The following GPATCH2 variants were observed in gnomAD, a reference collection of about 807,000 sequenced individuals.
GPATCH2 encodes G patch domain-containing protein 2.
In GPATCH2, 51 loss-of-function variants were observed where a neutral mutation model predicts 58.0. The ratio of observed to expected loss-of-function variants is 0.88; its 90% CI spans 0.70 to 1.11. The LOEUF is 1.11. Ranked by LOEUF, GPATCH2 falls within the 50% of genes most tolerant of loss-of-function variation. The pLI, the probability that GPATCH2 is intolerant of heterozygous loss-of-function variation, is 0.00. For missense variants in GPATCH2, 625 were observed against 652.2 expected, an observed-to-expected ratio of 0.96 and a Z score of 0.45; for synonymous variants, 222 against 218.5, an observed-to-expected ratio of 1.02 and a Z score of -0.14.
At chr1:217,615,912 T>C (rs1668862718) in intron 2 of GPATCH2, among the ~76,000 whole-genome samples, 1 of 152,110 alleles carries the variant, frequency 6.6e-6, no homozygotes, top group South Asian at 2.1e-4. Context: ...GAATTCAGAT[T>C]TACCCCTCTC....
At chr1:217,444,554 T>A (rs1659295359) in intron 9 of GPATCH2, among the ~76,000 whole-genome samples, 1 of 152,230 alleles carries the variant, frequency 6.6e-6, no homozygotes, top group East Asian at 1.9e-4. Context: ...ATCTAACACG[T>A]GTGCTTACTC....
chr1:217,609,193 G>C, intron 5 of GPATCH2: 1 of 983,252 alleles, frequency 1.0e-6, no homozygotes, highest in Non-Finnish European at 1.2e-6. Context: ...ACCATCAATA[G>C]AAACATTACA....
chr1:217,563,920 T>G (rs1368002529), intron 5 of GPATCH2, among the ~76,000 whole-genome samples: 1 of 151,804 alleles, frequency 6.6e-6, no homozygotes, highest in African/African-American at 2.4e-5. Context: ...GGCGCATGCC[T>G]GTAATCCCAA....
chr1:217,568,083 C>A (rs1180387774), intron 5 of GPATCH2, among the ~76,000 whole-genome samples: 1 of 152,174 alleles, frequency 6.6e-6, no homozygotes, highest in Non-Finnish European at 1.5e-5. Flanking sequence ...TGCCACTGCA[C>A]TCCAGCCTGG....
chr1:217,480,897 A>G (rs1295558664), intron 8 of GPATCH2, among the ~76,000 whole-genome samples: 2 of 152,186 alleles, frequency 1.3e-5, no homozygotes, highest in East Asian at 3.9e-4. Context: ...AAAGACAAAC[A>G]TCAAAACCAC....
chr1:217,487,061 A>T (rs1456006333), intron 8 of GPATCH2, among the ~76,000 whole-genome samples: 1 of 152,210 alleles, frequency 6.6e-6, no homozygotes, highest in African/African-American at 2.4e-5. Flanking sequence ...ATTGTATTTC[A>T]TATTTTATTC....
intron 9 of GPATCH2, among the ~76,000 whole-genome samples, chr1:217,438,915 T>C (rs1021270635): frequency 6.6e-6 from 1 of 152,114 alleles, no homozygotes; most frequent in African/African-American, 2.4e-5. Flanking sequence ...TTCCACACAA[T>C]AATAGTGGGA....
chr1:217,592,916 A>G (rs1387934989), intron 5 of GPATCH2, among the ~76,000 whole-genome samples: 1 of 151,962 alleles, frequency 6.6e-6, no homozygotes, highest in Non-Finnish European at 1.5e-5. Context: ...TACAACCCCA[A>G]GTATTTCAGC....
Position 217,431,296 on chromosome 1 carries a change from C to T in GPATCH2, c.1436G>A (p.Gly479Asp). Reference sequence around the variant, plus strand: ...TCCAAGGCCTGACCCAGGCGTCCAGCCCATATTCTGAAGCATTCGGTTTCC... The same window carrying T: ...TCCAAGGCCTGACCCAGGCGTCCAGTCCATATTCTGAAGCATTCGGTTTCC... Reference protein sequence around the residue: ...NIGNRMLQNMGWTPGSGLGRD... With the variant: ...NIGNRMLQNMDWTPGSGLGRD... The change falls in exon 10 of 10, where the codon GGC (glycine) becomes GAC (aspartate). Residue 479 changes from glycine (G) to aspartate (D), a missense_variant. Coordinates refer to ENST00000366935, the MANE Select transcript of GPATCH2 (RefSeq NM_018040.5). The T allele has an allele frequency of 6.2e-7, 1 of 1,608,332 alleles. No homozygotes were observed. Among genetic ancestry groups the T allele is most frequent in the Non-Finnish European group, 8.5e-7 (1 of 1,174,720 alleles).
intron 8 of GPATCH2, among the ~76,000 whole-genome samples, chr1:217,479,936 AG>A (rs1310527365): frequency 1.3e-5 from 2 of 152,014 alleles, no homozygotes; most frequent in Non-Finnish European, 2.9e-5. Flanking sequence ...GTAATGATAA[AG>A]GGGTCAATTC....
At chr1:217,520,070 A>T (rs1162695906) in intron 5 of GPATCH2, among the ~76,000 whole-genome samples, 1 of 152,204 alleles carries the variant, frequency 6.6e-6, no homozygotes, top group Non-Finnish European at 1.5e-5. Context: ...TATTAAAGTA[A>T]AAATGTGTTT....
rs1571686576 is a variant in GPATCH2, at chr1:217,431,032, T to G, written c.*113A>C. ...ACTGTATGCAGTAAGGAAGCTAGAG[T>G]GATGTGTTTGAGGCAATGTAGATTT... On this transcript the variant is annotated 3_prime_UTR_variant, in exon 10 of 10. Coordinates refer to ENST00000366935, the MANE Select transcript of GPATCH2 (RefSeq NM_018040.5). The G allele has an allele frequency of 1.4e-6, 1 of 712,350 alleles. No individual in the cohort carries two copies. The highest frequency in any genetic ancestry group is 2.5e-5 in the East Asian group (1 of 40,518). The allele number at this position is 712,350 out of a possible 1,614,324, so 44.1% of individuals were successfully genotyped here. A position where few individuals can be genotyped will look rare whatever the true frequency, so the allele number is the denominator to read the frequency against.
At chr1:217,455,960 G>C (rs1246119298) in intron 8 of GPATCH2, among the ~76,000 whole-genome samples, 1 of 152,008 alleles carries the variant, frequency 6.6e-6, no homozygotes, top group Non-Finnish European at 1.5e-5. Context: ...GGGATAGTCA[G>C]AGAGGAATTT....
chr1:217,533,588 G>A (rs1189258221), intron 5 of GPATCH2, among the ~76,000 whole-genome samples: 1 of 152,184 alleles, frequency 6.6e-6, no homozygotes, highest in African/African-American at 2.4e-5. Context: ...ACTAGGAATT[G>A]TCTCTTAATC....
chr1:217,446,612 TCTC>T (rs1659396472), intron 9 of GPATCH2, among the ~76,000 whole-genome samples: 1 of 152,128 alleles, frequency 6.6e-6, no homozygotes, highest in African/African-American at 2.4e-5. Flanking sequence ...GTGATGCAAT[TCTC>T]CTGCTCCACT....
rs572533965 is a variant in GPATCH2 at position 217,546,269 on chromosome 1, A to T, written c.1099-31380T>A. Among the ~76,000 whole-genome samples, 32 of 152,282 alleles carry T rather than the reference A, an allele frequency of 2.1e-4. 1 individual carries two copies. The South Asian group carries it at 6.2e-3, about 30-fold the overall frequency. ...CTATTCCTATTAAACTACCATTGAG[A>T]TTCTTCACAGAACTAGAAAAAAACT... On this transcript the variant is annotated intron_variant, in intron 5 of 9. Transcript: ENST00000366935.
At chr1:217,504,963 A>T (rs1382269149) in intron 6 of GPATCH2, among the ~76,000 whole-genome samples, 1 of 152,248 alleles carries the variant, frequency 6.6e-6, no homozygotes, top group Non-Finnish European at 1.5e-5. Context: ...GAAGAAAAAA[A>T]TGCTCTGAAA....
intron 6 of GPATCH2, among the ~76,000 whole-genome samples, chr1:217,508,212 A>G (rs1480911718): frequency 1.3e-5 from 2 of 152,292 alleles, no homozygotes; most frequent in Admixed American, 6.5e-5. Flanking sequence ...ATCTCAGTCT[A>G]GAGTTAAAGA....
chr1:217,511,550 G>A (rs1356826709), intron 6 of GPATCH2, among the ~76,000 whole-genome samples: 1 of 152,174 alleles, frequency 6.6e-6, no homozygotes, highest in Non-Finnish European at 1.5e-5. Flanking sequence ...CAGGGAGCAG[G>A]AGGAATGAAA....
Sources: gnomAD v4.1 joint callset for allele counts (sites outside exome capture counted in the v4.1 genomes callset) on GRCh38, gnomAD v4.1.1 for gene constraint, MANE v1.5 for transcripts, NCBI Gene and HGNC (gene_info 2026-07-23, HGNC 2026-07-21) for gene names.